Variants in CACNA1A observed in about 807,000 individuals in gnomAD.
CACNA1A encodes the protein voltage-dependent P/Q-type calcium channel subunit alpha-1A.
CACNA1A carries 57 observed loss-of-function variants against 262.4 expected under a neutral mutation model. The ratio of observed to expected loss-of-function variants is 0.22; its 90% CI spans 0.18 to 0.27. CACNA1A has a LOEUF of 0.27. Among genes scored for constraint, CACNA1A ranks in the 10% least tolerant of loss-of-function variants. The pLI, the probability that CACNA1A is intolerant of heterozygous loss-of-function variation, is 1.00. For missense variants in CACNA1A, 2,526 were observed against 3,562.8 expected, an observed-to-expected ratio of 0.71 and a Z score of 7.41; for synonymous variants, 1,431 against 1,419.3, an observed-to-expected ratio of 1.01 and a Z score of -0.18.
At chr19:13,466,064 T>G (rs1001591565) in intron 1 of CACNA1A, among the ~76,000 whole-genome samples, 1 of 152,118 alleles carries the variant, frequency 6.6e-6, no homozygotes, top group African/African-American at 2.4e-5. Context: ...TTAGGGGTGG[T>G]GAAAATGTTC....
At chr19:13,325,616 T>G (rs924314514) in intron 10 of CACNA1A, among the ~76,000 whole-genome samples, 1 of 152,196 alleles carries the variant, frequency 6.6e-6, no homozygotes, top group Non-Finnish European at 1.5e-5. Flanking sequence ...TGTATATTTA[T>G]TAGAGACAAA....
intron 23 of CACNA1A, 49 bp from the exon 24 acceptor site, chr19:13,276,005 C>T: frequency 7.9e-7 from 1 of 1,271,642 alleles, no homozygotes; most frequent in African/African-American, 1.5e-5. Context: ...GATCCCCACC[C>T]TGGGGTGCTG....
At chr19:13,380,013 C>T (rs943534597) in intron 3 of CACNA1A, among the ~76,000 whole-genome samples, 5 of 135,616 alleles carry the variant, frequency 3.7e-5, no homozygotes, top group African/African-American at 5.6e-5. Flanking sequence ...TAGCCAGGTG[C>T]GGTGGCTCAT....
intron 1 of CACNA1A, among the ~76,000 whole-genome samples, chr19:13,460,453 G>A (rs770944309): frequency 1.3e-5 from 2 of 152,156 alleles, no homozygotes; most frequent in Non-Finnish European, 2.9e-5. Context: ...AAGAGCCTGA[G>A]AAGAAACCGA....
rs79173387 is a variant in CACNA1A at position 13,399,434 on chromosome 19, G to GA, written c.540-27656dup. On this transcript the variant is annotated intron_variant, in intron 3 of 46. Transcript: ENST00000360228. Reference sequence around the variant, plus strand: ...AAGAAGAAGAAGAAGGAGAGAAAAGGAAAAAAAAAAAAGCCCAGAAGAGAT... The same window carrying GA: ...AAGAAGAAGAAGAAGGAGAGAAAAGGAAAAAAAAAAAAAGCCCAGAAGAGAT... Among the ~76,000 whole-genome samples the GA allele has an allele frequency of 2.4e-3, 331 of 139,182 alleles. 4 individuals are homozygous for GA. Among genetic ancestry groups the GA allele is most frequent in the Middle Eastern group, 7.1e-3 (2 of 280 alleles). The allele number at this position is 139,182 out of a possible 152,430, so 91.3% of individuals were successfully genotyped here.
At chr19:13,355,728 T>C (rs1166944482) in intron 6 of CACNA1A, among the ~76,000 whole-genome samples, 1 of 152,154 alleles carries the variant, frequency 6.6e-6, no homozygotes, top group Admixed American at 6.5e-5. Flanking sequence ...GGCATCCCCG[T>C]CCTCAAGGAA....
chr19:13,438,817 T>C (rs1451820351), intron 3 of CACNA1A, among the ~76,000 whole-genome samples: 2 of 152,168 alleles, frequency 1.3e-5, no homozygotes, highest in Non-Finnish European at 2.9e-5. Context: ...AAGAGGTAAA[T>C]ATGAGTTACA....
chr19:13,430,458 G>A (rs542632117), intron 3 of CACNA1A, among the ~76,000 whole-genome samples: 8 of 152,158 alleles, frequency 5.3e-5, no homozygotes, highest in African/African-American at 1.9e-4. Context: ...TGCCCGCCTC[G>A]GCCTCCCCAA....
intron 10 of CACNA1A, among the ~76,000 whole-genome samples, chr19:13,320,259 AGAGAGAGAG>A (rs2058224941): frequency 6.6e-6 from 1 of 151,782 alleles, no homozygotes; most frequent in Non-Finnish European, 1.5e-5. Context: ...AGAGAGAGAG[AGAGAGAGAG>A]AGAGAGAAAC....
chr19:13,382,190 G>C (rs1241897246), intron 3 of CACNA1A, among the ~76,000 whole-genome samples: 3 of 152,164 alleles, frequency 2.0e-5, no homozygotes, highest in African/African-American at 4.8e-5. Flanking sequence ...GAGGAGGCAG[G>C]GATGAAAGAG....
chr19:13,427,395 T>C (rs1262467661), intron 3 of CACNA1A, among the ~76,000 whole-genome samples: 1 of 151,794 alleles, frequency 6.6e-6, no homozygotes, highest in Non-Finnish European at 1.5e-5. Context: ...GAGGTTGCAG[T>C]GAGCCGAGAT....
Position 13,259,632 on chromosome 19 carries a change from G to T in CACNA1A, c.4320C>A (p.Phe1440Leu). The change falls in exon 27 of 47, where the codon TTC (phenylalanine) becomes TTA (leucine). Residue 1440 changes from phenylalanine (F) to leucine (L), a missense_variant. By Grantham distance (22) the Phe-to-Leu change is conservative (BLOSUM62 0). Transcript: ENST00000360228. ...GAGCCCACAGCACATTGTCGTAATG[G>T]AATTCATACTTCTTCCACTCCCGGT... is the stretch of plus-strand genomic sequence containing the variant. ...ARDREWKKYE[F>L]HYDNVLWALL... 1 of 1,610,898 alleles carries T rather than the reference G, an allele frequency of 6.2e-7. No homozygotes were observed. The highest frequency in any genetic ancestry group is 8.5e-7 in the Non-Finnish European group (1 of 1,178,614).
intron 5 of CACNA1A, chr19:13,361,988 T>G: frequency 3.6e-5 from 4 of 112,450 alleles, no homozygotes; most frequent in East Asian, 2.8e-4. Flanking sequence ...AGTCCCTCCC[T>G]CCCTCCCTTC....
chr19:13,465,053 C>T (rs559780493), intron 1 of CACNA1A, among the ~76,000 whole-genome samples: 50 of 152,150 alleles, frequency 3.3e-4, no homozygotes, highest in African/African-American at 1.1e-3. Flanking sequence ...CTCAGCCTCC[C>T]GAGTAGCTGG....
intron 5 of CACNA1A, chr19:13,362,023 CT>C (rs1220439510): frequency 4.4e-3 from 514 of 115,828 alleles, no homozygotes; most frequent in East Asian, 0.012. Flanking sequence ...TCCTCTCTCT[CT>C]TTTTTTTTTT....
chr19:13,472,772 G>T (rs1978288078), intron 1 of CACNA1A, among the ~76,000 whole-genome samples: 1 of 152,146 alleles, frequency 6.6e-6, no homozygotes, highest in Admixed American at 6.6e-5. Flanking sequence ...CAGAGATGGG[G>T]CCTTGCTCTG....
chr19:13,298,751 T>A lies in CACNA1A; in HGVS notation c.2882A>T (p.His961Leu). The change falls in exon 19 of 47, where the codon CAC becomes CTC. Residue 961 changes from histidine (H) to leucine (L), a missense_variant. His to Leu is a moderately conservative substitution (Grantham distance 99, BLOSUM62 -3). Transcript: ENST00000360228. ...ADGEHRRHRAHRRPGEEGPED... is the reference protein window; with the variant it reads ...ADGEHRRHRALRRPGEEGPED... ...CGGACCCTCCTCCCCGGGCCTGCGG[T>A]GCGCGCGATGACGTCGATGCTCCCC... The A allele has an allele frequency of 6.6e-7, 1 of 1,510,584 alleles. No homozygotes were observed. Among genetic ancestry groups the A allele is most frequent in the Non-Finnish European group, 8.8e-7 (1 of 1,136,542 alleles). The allele number at this position is 1,510,584 out of a possible 1,614,324, so 93.6% of individuals were successfully genotyped here. A position where few individuals can be genotyped will look rare whatever the true frequency, so the allele number is the denominator to read the frequency against.
chr19:13,336,594 GGAGAGAGA>G (rs547329827), intron 6 of CACNA1A, among the ~76,000 whole-genome samples: 121 of 65,488 alleles, frequency 1.8e-3, no homozygotes, highest in African/African-American at 5.0e-3. Flanking sequence ...AGAGAGAGAG[GGAGAGAGA>G]GAGAGAGAGA....
rs541797306 is a variant in CACNA1A at position 13,492,534 on chromosome 19, G to A, written c.293+13398C>T. On this transcript the variant is annotated intron_variant, in intron 1 of 46. Coordinates refer to ENST00000360228, the MANE Select transcript of CACNA1A (RefSeq NM_001127222.2). ...CTTGCCATACCATTTCCAGGAATCT[G>A]TCCTAGGGAAACAGTGACAGAAGTG... Among the ~76,000 whole-genome samples the A allele has an allele frequency of 2.6e-5, 4 of 152,292 alleles. 1 individual carries two copies. The highest frequency in any genetic ancestry group is 9.6e-5 in the African/African-American group (4 of 41,576).
Sources: allele counts gnomAD v4.1 joint callset (sites outside exome capture counted in the v4.1 genomes callset), GRCh38; gene constraint gnomAD v4.1.1; transcripts MANE v1.5; gene names NCBI Gene and HGNC (gene_info 2026-07-23, HGNC 2026-07-21).